Variants in WEE2 observed in about 807,000 individuals in gnomAD.
WEE2 encodes wee1-like protein kinase 2.
A neutral mutation model predicts 60.1 loss-of-function variants in WEE2; 50 were observed. The observed-to-expected ratio is 0.83, with a 90% CI of 0.66 to 1.05. WEE2 has a LOEUF of 1.05. Ranked by LOEUF, WEE2 falls within the 50% of genes least tolerant of loss-of-function variation. The pLI, the probability that WEE2 is intolerant of heterozygous loss-of-function variation, is 0.00. For synonymous variants in WEE2, 240 were observed against 241.0 expected (o/e 1.00, Z 0.04); for missense variants, 631 against 684.3 (o/e 0.92, Z 0.87).
chr7:141,721,301 C>T (rs6948307), intron 5 of WEE2, among the ~76,000 whole-genome samples: 82,001 of 151,976 alleles, frequency 0.54, 22,758 homozygotes, highest in African/African-American at 0.68. Context: ...ATATTTATTC[C>T]ATGCTAGGCC....
At chr7:141,724,130 G>T in intron 7 of WEE2, 60 bp from the exon 8 acceptor site, 1 of 1,581,718 alleles carries the variant, frequency 6.3e-7, no homozygotes, top group Non-Finnish European at 8.6e-7. Context: ...TTTTAAGAAA[G>T]ACATGCTTTT....
intron 3 of WEE2, 102 bp from the exon 4 acceptor site, chr7:141,718,970 T>C: frequency 8.6e-7 from 1 of 1,156,618 alleles, no homozygotes; most frequent in South Asian, 1.6e-5. Context: ...CTCAAAAGTC[T>C]TTTTGAAAAC....
At chr7:141,726,264 ATTTTT>A (rs772855101) in intron 9 of WEE2, among the ~76,000 whole-genome samples, 2 of 152,014 alleles carry the variant, frequency 1.3e-5, no homozygotes, top group African/African-American at 2.4e-5. Context: ...TGGAGATTAG[ATTTTT>A]TTTATTTTTA....
Position 141,719,227 on chromosome 7 carries a change from T to G in WEE2, c.741T>G (p.Phe247Leu), listed in dbSNP as rs1159203864. 6.2e-7 allele frequency: 1 copy of G among 1,608,488 alleles called. No individual in the cohort carries two copies. Among genetic ancestry groups the G allele is most frequent in the East Asian group, 2.2e-5 (1 of 44,858 alleles). ...VYAIKRSMKTFTELSNENSAL... is the reference protein window; with the variant it reads ...VYAIKRSMKTLTELSNENSAL... ...CAATAAAGCGCTCTATGAAAACTTT[T>G]ACAGAATTATCAAATGAGTGAGTAC... is the stretch of plus-strand genomic sequence containing the variant. Residue 247 changes from phenylalanine (F) to leucine (L), a missense_variant, in exon 4 of 12, where the codon TTT (phenylalanine) becomes TTG (leucine). Physicochemically the swap from Phe to Leu is conservative, Grantham distance 22 (BLOSUM62 0). Transcript: ENST00000397541.
intron 1 of WEE2, among the ~76,000 whole-genome samples, chr7:141,712,511 G>A (rs925915895): frequency 2.0e-5 from 3 of 152,008 alleles, no homozygotes; most frequent in African/African-American, 7.2e-5. Context: ...CTTTTCATAT[G>A]TCTTATCTCA....
At chr7:141,715,937 T>G (rs76724815) in intron 2 of WEE2, among the ~76,000 whole-genome samples, 5,712 of 152,330 alleles carry the variant, frequency 0.037, 150 homozygotes, top group Non-Finnish European at 0.062. Context: ...AACCTCACTC[T>G]TTTCCCTTAG....
intron 9 of WEE2, 121 bp downstream of exon 9, chr7:141,725,317 C>A (rs1798994504): frequency 3.4e-6 from 4 of 1,180,352 alleles, no homozygotes. Context: ...AGGAACGTGA[C>A]TAGAAGTCCA....
chr7:141,728,242 T>C (rs2366501), intron 10 of WEE2: 82,096 of 152,100 alleles, frequency 0.54, 22,811 homozygotes, highest in African/African-American at 0.68. Context: ...ACATATACTG[T>C]ACACTGTTGA....
intron 10 of WEE2, 129 bp from the exon 11 acceptor site, chr7:141,729,402 T>C: frequency 1.5e-6 from 2 of 1,297,304 alleles, no homozygotes; most frequent in Admixed American, 3.7e-5. Context: ...TTCTATTCTG[T>C]ACATAGCTCA....
chr7:141,720,812 C>A, intron 4 of WEE2, 123 bp from the exon 5 acceptor site: 2 of 1,035,476 alleles, frequency 1.9e-6, no homozygotes, highest in Non-Finnish European at 1.4e-6. Context: ...AAATAGTAAG[C>A]AAGCAGTGAG....
At chr7:141,714,492 C>A in intron 2 of WEE2, 87 bp downstream of exon 2, 1 of 1,028,030 alleles carries the variant, frequency 9.7e-7, no homozygotes. Flanking sequence ...AGATTAGGAA[C>A]GAGAACTCTA....
At position 141,730,498 on chromosome 7, in the gene WEE2, T is replaced by C; in HGVS notation, c.*178T>C. Reference sequence around the variant, plus strand: ...GATTTCCACAGCGCTTCCCAGGTTATATGATGCTGTTCCTAAGAGAGAATT... The same window carrying C: ...GATTTCCACAGCGCTTCCCAGGTTACATGATGCTGTTCCTAAGAGAGAATT... On this transcript the variant is annotated 3_prime_UTR_variant, in exon 12 of 12. Coordinates refer to ENST00000397541, the MANE Select transcript of WEE2 (RefSeq NM_001105558.1). 1.7e-6 allele frequency: 1 copy of C among 581,658 alleles called. No individual in the cohort carries two copies. The highest frequency in any genetic ancestry group is 3.0e-5 in the East Asian group (1 of 33,834). The allele number at this position is 581,658 out of a possible 1,614,324, so 36.0% of individuals were successfully genotyped here.
chr7:141,729,619 A>G lies in WEE2; in HGVS notation c.1624A>G (p.Arg542Gly). The G allele has an allele frequency of 3.1e-6, 5 of 1,614,180 alleles. No individual in the cohort carries two copies. In the East Asian group the frequency reaches 8.9e-5, roughly 29 times the overall value. The change falls in exon 11 of 12, where the codon AGA becomes GGA. Residue 542 changes from arginine to glycine, a missense_variant. By Grantham distance (125) the Arg-to-Gly change is moderately radical. Transcript: ENST00000397541. ...GGTCTCTGGGACCCACACAGGATCA[A>G]GAAGCACAAAACGCCTGGTGGGAGG... The part of the protein sequence containing the change: ...TGVSGTHTGS[R>G]STKRLVGGKS...
At chr7:141,723,427 C>A in intron 6 of WEE2, 147 bp downstream of exon 6, 2 of 957,998 alleles carry the variant, frequency 2.1e-6, no homozygotes, top group South Asian at 1.8e-5. Flanking sequence ...TAAAAAAAAT[C>A]AGTTAAATAG....
intron 9 of WEE2, among the ~76,000 whole-genome samples, chr7:141,726,264 A>AT (rs772855101): frequency 2.0e-5 from 3 of 152,014 alleles, no homozygotes; most frequent in South Asian, 2.1e-4. Context: ...TGGAGATTAG[A>AT]TTTTTTTTAT....
intron 1 of WEE2, among the ~76,000 whole-genome samples, chr7:141,709,472 G>T (rs908806697): frequency 6.6e-6 from 1 of 152,210 alleles, no homozygotes; most frequent in Non-Finnish European, 1.5e-5. Flanking sequence ...CTGTCTCACA[G>T]CTCAGCCAAT....
In WEE2 at chr7:141,730,989, C is replaced by T. The variant is rs770646276; in HGVS notation, c.*669C>T. ...CTAACAAAGAATGAGAAATTTATGT[C>T]GGAGAACATTTTATGAATAAAAGGG... On this transcript the variant is annotated 3_prime_UTR_variant, in exon 12 of 12. Transcript: ENST00000397541. The T allele has an allele frequency of 3.0e-4, 45 of 151,740 alleles. 1 individual carries two copies. The highest frequency in any genetic ancestry group is 8.9e-4 in the African/African-American group (37 of 41,382). The allele number at this position is 151,740 out of a possible 1,614,324, so 9.4% of individuals were successfully genotyped here. A position where few individuals can be genotyped will look rare whatever the true frequency, so the allele number is the denominator to read the frequency against.
At chr7:141,710,569 T>A (rs1446897238) in intron 1 of WEE2, among the ~76,000 whole-genome samples, 1 of 152,112 alleles carries the variant, frequency 6.6e-6, no homozygotes, top group Non-Finnish European at 1.5e-5. Context: ...ACTAGAGGAA[T>A]GGTTGAGCAT....
rs1404031876 is a variant in WEE2 at position 141,714,336 on chromosome 7, C to T, written c.470C>T (p.Pro157Leu). The change falls in exon 2 of 12, where the codon CCC becomes CTC. Residue 157 changes from proline to leucine, a missense_variant. Physicochemically the swap from Pro to Leu is moderately conservative, Grantham distance 98 (BLOSUM62 -3). Coordinates refer to ENST00000397541, the MANE Select transcript of WEE2 (RefSeq NM_001105558.1). ...MTSLALVNIN[P>L]FTPESYKKLF... ...TCATTGGCTCTGGTCAATATTAATC[C>T]CTTCACTCCAGAGTCCTATAAAAAA... The T allele has an allele frequency of 6.2e-7, 1 of 1,613,644 alleles. No individual in the cohort carries two copies. The highest frequency in any genetic ancestry group is 1.3e-5 in the African/African-American group (1 of 74,866).
Sources: allele counts gnomAD v4.1 joint callset (sites outside exome capture counted in the v4.1 genomes callset), GRCh38; gene constraint gnomAD v4.1.1; transcripts MANE v1.5; gene names NCBI Gene and HGNC (gene_info 2026-07-23, HGNC 2026-07-21).